The following RNF20 variants were observed in gnomAD, a reference collection of about 807,000 sequenced individuals.
RNF20 encodes ring finger protein 20.
RNF20 carries 84 observed loss-of-function variants against 126.2 expected under a neutral mutation model. The observed-to-expected ratio is 0.67, with a 90% CI of 0.56 to 0.80. The LOEUF (loss-of-function observed/expected upper bound fraction) is 0.80. RNF20 is among the 30% of genes least tolerant of loss of function. The pLI, the probability that RNF20 is intolerant of heterozygous loss-of-function variation, is 0.00. For missense variants in RNF20, 869 were observed against 1,188.2 expected (o/e 0.73, Z 3.95); for synonymous variants, 400 against 414.3 (o/e 0.97, Z 0.42).
At position 101,547,504 on chromosome 9, in the gene RNF20, A is replaced by G; in HGVS notation, c.1078A>G (p.Asn360Asp). 1 of 1,614,082 alleles carries G rather than the reference A, an allele frequency of 6.2e-7. No homozygotes were observed. Among genetic ancestry groups the G allele is most frequent in the Non-Finnish European group, 8.5e-7 (1 of 1,179,968 alleles). The part of the protein sequence containing the change: ...RQDFEEVTTQ[N>D]EKLKVELRSA... ...AGACTTTGAGGAGGTCACTACACAA[A>G]ATGAAAAGCTGAAGGTAGGAACGCA... Residue 360 changes from asparagine to aspartate, a missense_variant, in exon 9 of 20, where the codon AAT becomes GAT. Physicochemically the swap from Asn to Asp is conservative, Grantham distance 23 (BLOSUM62 1). Around this residue, in one of 8 missense-constraint regions of RNF20, gnomAD observed 153 missense variants for 226.4 expected, o/e 0.68. Transcript: ENST00000389120.
chr9:101,547,601 T>A, intron 9 of RNF20, 83 bp downstream of exon 9: 1 of 1,477,122 alleles, frequency 6.8e-7, no homozygotes, highest in Non-Finnish European at 9.2e-7. Context: ...AATCTGCGTA[T>A]TCATGAGGGA....
At chr9:101,551,416 T>C (rs1827442689) in intron 10 of RNF20, among the ~76,000 whole-genome samples, 1 of 152,354 alleles carries the variant, frequency 6.6e-6, no homozygotes, top group Non-Finnish European at 1.5e-5. Context: ...TTTTAATATA[T>C]GCCTGACAAA....
intron 14 of RNF20, 43 bp downstream of exon 14, chr9:101,554,148 C>T: frequency 1.8e-6 from 2 of 1,125,034 alleles, no homozygotes; most frequent in Non-Finnish European, 2.7e-6. Context: ...TTAAAATCTT[C>T]ATTTGTGGGA....
rs60076240 is a variant in RNF20, at chr9:101,546,094, G to T, written c.748-726G>T. Among the ~76,000 whole-genome samples, 1,480 of 152,250 alleles carry T rather than the reference G, an allele frequency of 9.7e-3. 21 individuals are homozygous for T. Among genetic ancestry groups the T allele is most frequent in the African/African-American group, 0.034 (1,402 of 41,522 alleles). On this transcript the variant is annotated intron_variant, in intron 6 of 19. Transcript: ENST00000389120. Reference sequence around the variant, plus strand: ...AATTGTGTAGTGACATTTCCATTGGGTCTCTAAAGTTGACCCAGATTCAAG... The same window carrying T: ...AATTGTGTAGTGACATTTCCATTGGTTCTCTAAAGTTGACCCAGATTCAAG...
At position 101,547,500 on chromosome 9, in the gene RNF20, A is replaced by G. The variant is rs766358704; in HGVS notation, c.1074A>G (p.Thr358=). ...GGCAAGACTTTGAGGAGGTCACTAC[A>G]CAAAATGAAAAGCTGAAGGTAGGAA... ...KLRQDFEEVT[T]QNEKLKVELR... Residue 358 remains threonine (T), a synonymous_variant, in exon 9 of 20, where the codon ACA becomes ACG. Coordinates refer to ENST00000389120, the MANE Select transcript of RNF20 (RefSeq NM_019592.7). 9 of 1,614,122 alleles carry G rather than the reference A, an allele frequency of 5.6e-6. No homozygotes were observed. The South Asian group carries it at 9.9e-5, about 18-fold the overall frequency.
At chr9:101,540,728 A>C in intron 4 of RNF20, 65 bp from the exon 5 acceptor site, 1 of 1,590,378 alleles carries the variant, frequency 6.3e-7, no homozygotes, top group Non-Finnish European at 8.5e-7. Context: ...AGGGAAAAAA[A>C]ATGGATTTTG....
intron 9 of RNF20, 72 bp downstream of exon 9, chr9:101,547,590 G>A: frequency 1.3e-6 from 2 of 1,540,176 alleles, no homozygotes; most frequent in Non-Finnish European, 1.8e-6. Flanking sequence ...ACATAGTTGT[G>A]AATCTGCGTA....
intron 10 of RNF20, among the ~76,000 whole-genome samples, 168 bp downstream of exon 10, chr9:101,550,953 A>G (rs971545075): frequency 5.9e-5 from 9 of 152,182 alleles, no homozygotes; most frequent in African/African-American, 2.2e-4. Context: ...AGATGACAAA[A>G]TTCCTGCCCT....
chr9:101,554,568 A>T (rs1394477580), intron 14 of RNF20, 126 bp from the exon 15 acceptor site: 5 of 699,962 alleles, frequency 7.1e-6, no homozygotes, highest in Non-Finnish European at 9.2e-6. Context: ...TATATTATGT[A>T]CCTTGTTCTA....
At chr9:101,559,407 A>G (rs1733373335) in intron 16 of RNF20, among the ~76,000 whole-genome samples, 2 of 152,090 alleles carry the variant, frequency 1.3e-5, no homozygotes, top group Admixed American at 6.5e-5. Flanking sequence ...TATGCGTTTT[A>G]GGATTGTTTG....
rs1283475904 is a variant in RNF20 at position 101,562,465 on chromosome 9, ATT to A, written c.*44_*45del. The A allele has an allele frequency of 1.2e-5, 18 of 1,559,496 alleles. No individual in the cohort carries two copies. The highest frequency in any genetic ancestry group is 1.5e-5 in the Non-Finnish European group (17 of 1,150,034). The stretch of plus-strand genomic sequence containing the variant: ...AGAGGAGCTGGCTAGTCAGGAACTT[ATT>A]CATTAACCACCAAACCTCTACCTCT... On this transcript the variant is annotated 3_prime_UTR_variant, in exon 20 of 20. Transcript: ENST00000389120.
intron 2 of RNF20, among the ~76,000 whole-genome samples, chr9:101,536,916 T>G (rs1435759828): frequency 6.6e-6 from 1 of 152,232 alleles, no homozygotes; most frequent in Non-Finnish European, 1.5e-5. Flanking sequence ...TTTTCTTTTC[T>G]TCTTCTTACT....
In RNF20 at chr9:101,563,257, T is replaced by G. The variant is rs893073893; in HGVS notation, c.*835T>G. 2 of 152,664 alleles carry G rather than the reference T, an allele frequency of 1.3e-5. No individual in the cohort carries two copies. The highest frequency in any genetic ancestry group is 2.9e-5 in the Non-Finnish European group (2 of 68,040). 9.5% of individuals were successfully genotyped at this position (152,664 alleles called of 1,614,324 possible). On this transcript the variant is annotated 3_prime_UTR_variant, in exon 20 of 20. Coordinates refer to ENST00000389120, the MANE Select transcript of RNF20 (RefSeq NM_019592.7). The stretch of plus-strand genomic sequence containing the variant: ...CAGTCTCCTTTTTACAGGGTTGTTG[T>G]GATCCCTCTTTTCCAGAAAATTCTG...
In RNF20 at chr9:101,550,821, T is replaced by C. The variant is rs1259863440; in HGVS notation, c.1272+36T>C. 34 of 1,590,036 alleles carry C rather than the reference T, an allele frequency of 2.1e-5. No individual in the cohort carries two copies. The East Asian group carries it at 7.4e-4, about 34-fold the overall frequency. ...TGCCTTGTCTTTTGTATGTAAGCTT[T>C]CTTGCCTCCTAAATTTTACAATTTT... On this transcript the variant is annotated intron_variant, in intron 10 of 19. Transcript: ENST00000389120.
rs1290674170 is a variant in RNF20, at chr9:101,562,932, G to C, written c.*510G>C. On this transcript the variant is annotated 3_prime_UTR_variant, in exon 20 of 20. Transcript: ENST00000389120. ...TGGTATAATTGTGCTACTCTCCCCT[G>C]GGTGGTTTGCAGCCCTAATGAAATT... 2 of 152,480 alleles carry C rather than the reference G, an allele frequency of 1.3e-5. No homozygotes were observed. Among genetic ancestry groups the C allele is most frequent in the Admixed American group, 6.5e-5 (1 of 15,284 alleles). The allele number at this position is 152,480 out of a possible 1,614,324, so 9.4% of individuals were successfully genotyped here. A position where few individuals can be genotyped will look rare whatever the true frequency, so the allele number is the denominator to read the frequency against.
intron 14 of RNF20, 82 bp downstream of exon 14, chr9:101,554,187 T>A (rs1827492696): frequency 1.3e-6 from 1 of 765,966 alleles, no homozygotes; most frequent in Non-Finnish European, 2.2e-6. Context: ...AACGATATAA[T>A]TTCTTTCTTT....
intron 5 of RNF20, among the ~76,000 whole-genome samples, chr9:101,543,696 T>G (rs1326823177): frequency 3.3e-5 from 5 of 152,268 alleles, no homozygotes; most frequent in Non-Finnish European, 7.3e-5. Flanking sequence ...GTTTATAAAT[T>G]CACTAAACAT....
At position 101,561,173 on chromosome 9, in the gene RNF20, G is replaced by C; in HGVS notation, c.2592G>C (p.Glu864Asp). 2 of 1,613,962 alleles carry C rather than the reference G, an allele frequency of 1.2e-6. No homozygotes were observed. Among genetic ancestry groups the C allele is most frequent in the Non-Finnish European group, 8.5e-7 (1 of 1,179,850 alleles). The change falls in exon 18 of 20, where the codon GAG becomes GAC. Residue 864 changes from glutamate (E) to aspartate (D), a missense_variant. By Grantham distance (45) the Glu-to-Asp change is conservative. Around this residue, in one of 8 missense-constraint regions of RNF20, gnomAD observed 150 missense variants for 173.7 expected, o/e 0.86. Transcript: ENST00000389120. ...AQKKLHDFQD[E>D]IVENSVTKEK... ...AGAAGCTACATGATTTTCAGGATGA[G>C]ATCGTGGAGAACAGTGTTACCAAAG...
At chr9:101,558,960 A>G (rs762777290) in intron 16 of RNF20, among the ~76,000 whole-genome samples, 1 of 152,174 alleles carries the variant, frequency 6.6e-6, no homozygotes, top group Non-Finnish European at 1.5e-5. Context: ...GTTCTTGGTC[A>G]TGAAGTCTTT....
Sources: gnomAD v4.1 joint callset for allele counts (sites outside exome capture counted in the v4.1 genomes callset) on GRCh38, gnomAD v4.1.1 for gene constraint, gnomAD v4.1.1 regional missense constraint, MANE v1.5 for transcripts, NCBI Gene and HGNC (gene_info 2026-07-23, HGNC 2026-07-21) for gene names.